SULT1C3: variants seen among roughly 807,000 people sequenced by gnomAD.
SULT1C3 encodes the protein sulfotransferase 1C3.
A neutral mutation model predicts 28.4 loss-of-function variants in SULT1C3; 31 were observed. The ratio of observed to expected loss-of-function variants is 1.09; its 90% confidence interval spans 0.82 to 1.47. SULT1C3 has a LOEUF of 1.47. Among genes scored for constraint, SULT1C3 ranks in the 40% most tolerant of loss-of-function variants. The pLI is 0.00. For missense variants in SULT1C3, 307 were observed against 272.5 expected (o/e 1.13, Z -0.89); for synonymous variants, 106 against 92.2 (o/e 1.15, Z -0.86).
chr2:108,253,456 G>T lies in SULT1C3; in HGVS notation c.399+14G>T. 7.1e-7 allele frequency: 1 copy of T among 1,408,780 alleles called. No individual in the cohort carries two copies. Among genetic ancestry groups the T allele is most frequent in the Non-Finnish European group, 9.5e-7 (1 of 1,053,108 alleles). 87.3% of individuals were successfully genotyped at this position (1,408,780 alleles called of 1,614,324 possible). A position where few individuals can be genotyped will look rare whatever the true frequency, so the allele number is the denominator to read the frequency against. On this transcript the variant is annotated intron_variant, in intron 4 of 7. Coordinates refer to ENST00000681802, the MANE Select transcript of SULT1C3 (RefSeq NM_001320878.2). ...GAAAACTGCAAGGTATAAAGAGGGG[G>T]CTTTTCAAACTTCTCTTAGCTTGGT...
downstream of SULT1C3, among the ~76,000 whole-genome samples, chr2:108,261,529 T>C (rs1047990195): frequency 1.3e-5 from 2 of 152,134 alleles, no homozygotes; most frequent in Admixed American, 1.3e-4. Context: ...GTTTTTTATA[T>C]GACCAAGTAC....
At chr2:108,259,829 T>C (rs1405677299) in intron 7 of SULT1C3, among the ~76,000 whole-genome samples, 3 of 151,986 alleles carry the variant, frequency 2.0e-5, no homozygotes, top group African/African-American at 7.2e-5. Context: ...AACAAGAAAG[T>C]AAAGTGGAAG....
chr2:108,241,365 C>G (rs1429757934), intron 1 of SULT1C3, among the ~76,000 whole-genome samples: 1 of 152,156 alleles, frequency 6.6e-6, no homozygotes. Context: ...CTAGAGGAAC[C>G]AGGCAGAGAA....
chr2:108,251,214 T>C (rs1190820579), intron 2 of SULT1C3, among the ~76,000 whole-genome samples: 1 of 152,030 alleles, frequency 6.6e-6, no homozygotes, highest in East Asian at 1.9e-4. Flanking sequence ...AAGTTCTTTA[T>C]ATGAAGATCT....
rs866171798 is a variant in SULT1C3 at position 108,260,586 on chromosome 2, A to G, written c.821A>G (p.Lys274Arg). ...CCTACAGGGATGCCTGGAGACTGGA[A>G]GAACCACTTTACTGTGGCTTTGAAT... ...FMRKGMPGDWKNHFTVALNEN... is the reference protein window; with the variant it reads ...FMRKGMPGDWRNHFTVALNEN... Residue 274 changes from lysine to arginine, a missense_variant, in exon 8 of 8, where the codon AAG (lysine) becomes AGG (arginine). Transcript: ENST00000681802. The G allele has an allele frequency of 1.9e-6, 1 of 514,918 alleles. No homozygotes were observed. The highest frequency in any genetic ancestry group is 3.9e-6 in the Non-Finnish European group (1 of 258,128). The allele number at this position is 514,918 out of a possible 1,614,324, so 31.9% of individuals were successfully genotyped here. A position where few individuals can be genotyped will look rare whatever the true frequency, so the allele number is the denominator to read the frequency against.
downstream of SULT1C3, among the ~76,000 whole-genome samples, chr2:108,262,413 T>A (rs1676043731): frequency 6.6e-6 from 1 of 152,196 alleles, no homozygotes; most frequent in Admixed American, 6.5e-5. Context: ...TGTACTAACC[T>A]TGGACTCAGA....
chr2:108,260,307 A>T (rs1156285474), intron 7 of SULT1C3, among the ~76,000 whole-genome samples: 1 of 152,138 alleles, frequency 6.6e-6, no homozygotes, highest in Non-Finnish European at 1.5e-5. Context: ...ACCCTGGAGC[A>T]GAAGATTCAG....
downstream of SULT1C3, chr2:108,264,827 C>A (rs1676095175): frequency 1.2e-6 from 2 of 1,606,276 alleles, no homozygotes; most frequent in Non-Finnish European, 1.7e-6. Flanking sequence ...ACATACAGGA[C>A]CCAAAGCGGG....
downstream of SULT1C3, chr2:108,264,731 T>C: frequency 8.0e-7 from 1 of 1,257,230 alleles, no homozygotes; most frequent in Non-Finnish European, 1.1e-6. Context: ...AAATGATCCT[T>C]TAACTCATTT....
Position 108,258,741 on chromosome 2 carries a change from C to T in SULT1C3, c.534C>T (p.Gly178=), listed in dbSNP as rs755267977. Reference sequence around the variant, plus strand: ...TGCTCTGACTTCTTCCAGTTGTTGGCGGGTCCTGGTTTGACCATGTGAAAG... The same window carrying T: ...TGCTCTGACTTCTTCCAGTTGTTGGTGGGTCCTGGTTTGACCATGTGAAAG... ...YEKFMSGKVV[G]GSWFDHVKGW... Residue 178 remains glycine (G), a synonymous_variant, in exon 6 of 8, where the codon GGC becomes GGT. Transcript: ENST00000681802. The T allele has an allele frequency of 1.7e-5, 27 of 1,611,458 alleles. No individual in the cohort carries two copies. Among genetic ancestry groups the T allele is most frequent in the African/African-American group, 5.3e-5 (4 of 74,910 alleles).
chr2:108,241,884 G>A (rs536640984), intron 1 of SULT1C3, among the ~76,000 whole-genome samples: 3 of 146,776 alleles, frequency 2.0e-5, no homozygotes, highest in South Asian at 2.2e-4. Context: ...TAGAGATGGC[G>A]CCACTGCACT....
intron 7 of SULT1C3, 110 bp from the exon 8 acceptor site, chr2:108,260,458 G>T (rs773677114): frequency 7.1e-5 from 25 of 352,424 alleles, no homozygotes; most frequent in Non-Finnish European, 1.3e-4. Context: ...GGGACTGAGG[G>T]ACCCTCACTC....
At chr2:108,241,926 C>CAA (rs201006604) in intron 1 of SULT1C3, among the ~76,000 whole-genome samples, 58 of 101,054 alleles carry the variant, frequency 5.7e-4, no homozygotes, top group African/African-American at 1.2e-3. Flanking sequence ...GACTCCATCT[C>CAA]AAAAAAAAAA....
chr2:108,255,532 T>G, intron 4 of SULT1C3, 40 bp from the exon 5 acceptor site: 1 of 1,600,600 alleles, frequency 6.2e-7, no homozygotes, highest in Non-Finnish European at 8.5e-7. Context: ...TGTCAGTCTA[T>G]TTTTCTCTCC....
chr2:108,262,162 T>C (rs191632625), downstream of SULT1C3, among the ~76,000 whole-genome samples: 1 of 152,236 alleles, frequency 6.6e-6, no homozygotes, highest in East Asian at 1.9e-4. Context: ...AAGAGATTCC[T>C]TGATCACTCC....
chr2:108,260,802 G>C lies in SULT1C3; in HGVS notation c.*122G>C. On this transcript the variant is annotated 3_prime_UTR_variant, in exon 8 of 8. Transcript: ENST00000681802. Reference sequence around the variant, plus strand: ...GCTTCAGTCCATCTCCTATAGTGTGGCTAGTTTGCTATAATATTAAAACAT... The same window carrying C: ...GCTTCAGTCCATCTCCTATAGTGTGCCTAGTTTGCTATAATATTAAAACAT... 3.2e-6 allele frequency: 1 copy of C among 309,724 alleles called. No individual in the cohort carries two copies. Among genetic ancestry groups the C allele is most frequent in the Non-Finnish European group, 6.5e-6 (1 of 153,010 alleles). The allele number at this position is 309,724 out of a possible 1,614,324, so 19.2% of individuals were successfully genotyped here. A position where few individuals can be genotyped will look rare whatever the true frequency, so the allele number is the denominator to read the frequency against.
chr2:108,265,142 T>C (rs556735100), downstream of SULT1C3: 6 of 1,441,864 alleles, frequency 4.2e-6, no homozygotes, highest in African/African-American at 1.4e-5. Flanking sequence ...GAGAGGCAAG[T>C]TGCCTGTTTC....
downstream of SULT1C3, chr2:108,265,205 C>T (rs1676106393): frequency 6.3e-7 from 1 of 1,590,870 alleles, no homozygotes; most frequent in Non-Finnish European, 8.6e-7. Flanking sequence ...CCCTCTACTC[C>T]TGCAGCAATC....
At chr2:108,252,582 C>T in intron 3 of SULT1C3, 89 bp downstream of exon 3, 1 of 1,459,640 alleles carries the variant, frequency 6.9e-7, no homozygotes, top group Non-Finnish European at 9.3e-7. Flanking sequence ...CCGTGGTAGC[C>T]AGAAGTAGCC....
Sources: allele counts gnomAD v4.1 joint callset (sites outside exome capture counted in the v4.1 genomes callset), GRCh38; gene constraint gnomAD v4.1.1; transcripts MANE v1.5; gene names NCBI Gene and HGNC (gene_info 2026-07-23, HGNC 2026-07-21).